IL12B: variants seen among roughly 807,000 people sequenced by gnomAD.
IL12B encodes the protein interleukin-12 subunit beta.
In IL12B, 27 loss-of-function variants were observed where a neutral mutation model predicts 39.2. That is an observed-to-expected ratio of 0.69 (90% CI 0.51 to 0.95). The LOEUF is 0.95. Among genes scored for constraint, IL12B ranks in the 40% least tolerant of loss-of-function variants. The pLI, the probability that IL12B is intolerant of heterozygous loss-of-function variation, is 0.00. For missense variants in IL12B, 351 were observed against 397.6 expected (o/e 0.88, Z 1.00); for synonymous variants, 142 against 152.1 (o/e 0.93, Z 0.49).
Position 159,316,005 on chromosome 5 carries a change from A to G in IL12B, c.*96T>C, listed in dbSNP as rs549642878. The G allele has an allele frequency of 6.5e-6, 1 of 152,688 alleles. No homozygotes were observed. Among genetic ancestry groups the G allele is most frequent in the East Asian group, 1.9e-4 (1 of 5,326 alleles). 9.5% of individuals were successfully genotyped at this position (152,688 alleles called of 1,614,324 possible). ...AAAAAAACGTTTTAAAGCAAATCAG[A>G]TAGAAATTATCTTTTTGGGTCTATT... is the stretch of plus-strand genomic sequence containing the variant. On this transcript the variant is annotated 3_prime_UTR_variant, in exon 8 of 8. Coordinates refer to ENST00000231228, the MANE Select transcript of IL12B (RefSeq NM_002187.3).
At chr5:159,324,000 C>G (rs1754147640) in intron 2 of IL12B, among the ~76,000 whole-genome samples, 1 of 151,862 alleles carries the variant, frequency 6.6e-6, no homozygotes, top group South Asian at 2.1e-4. Context: ...AGTCAGCCAA[C>G]TGTACAGAGA....
At chr5:159,316,935 T>A in intron 6 of IL12B, 119 bp from the exon 7 acceptor site, 1 of 1,114,220 alleles carries the variant, frequency 9.0e-7, no homozygotes, top group Non-Finnish European at 1.4e-6. Context: ...TAGGGCACTG[T>A]GCTTGCAATT....
rs141167492 is a variant in IL12B at position 159,330,091 on chromosome 5, A to G, written c.-1+341T>C. 3.8e-3 allele frequency among the ~76,000 whole-genome samples: 581 copies of G among 152,304 alleles called. 4 individuals are homozygous for G. Among genetic ancestry groups the G allele is most frequent in the African/African-American group, 0.013 (541 of 41,546 alleles). On this transcript the variant is annotated intron_variant, in intron 1 of 7. Transcript: ENST00000231228. ...GGCACCACTCACTTTAGCTCTATAC[A>G]ATCCTTTAACTGATGGGCATTAACA...
intron 6 of IL12B, among the ~76,000 whole-genome samples, chr5:159,317,121 T>TGA (rs1386328059): frequency 6.6e-6 from 1 of 152,152 alleles, no homozygotes; most frequent in African/African-American, 2.4e-5. Flanking sequence ...GAGCTGATGG[T>TGA]GAGAGAGAGA....
chr5:159,315,441 C>T lies in IL12B; in HGVS notation c.*660G>A, dbSNP rs898666469. The T allele has an allele frequency of 1.3e-5, 2 of 152,204 alleles. No homozygotes were observed. Among genetic ancestry groups the T allele is most frequent in the Non-Finnish European group, 2.9e-5 (2 of 68,014 alleles). 9.4% of individuals were successfully genotyped at this position (152,204 alleles called of 1,614,324 possible). Reference sequence around the variant, plus strand: ...ATTTTTTTCTAGCCCTTTTAAAATTCAGGCATCCAAAGATTAAACTTGCTT... The same window carrying T: ...ATTTTTTTCTAGCCCTTTTAAAATTTAGGCATCCAAAGATTAAACTTGCTT... On this transcript the variant is annotated 3_prime_UTR_variant, in exon 8 of 8. Coordinates refer to ENST00000231228, the MANE Select transcript of IL12B (RefSeq NM_002187.3).
At chr5:159,320,213 G>A in intron 5 of IL12B, 93 bp downstream of exon 5, 1 of 1,071,308 alleles carries the variant, frequency 9.3e-7, no homozygotes, top group Non-Finnish European at 1.4e-6. Flanking sequence ...GATGATGCTT[G>A]TCAACCACCT....
chr5:159,321,991 G>T (rs1486045332), intron 4 of IL12B, among the ~76,000 whole-genome samples: 2 of 149,996 alleles, frequency 1.3e-5, no homozygotes, highest in East Asian at 3.9e-4. Context: ...TCTGCTTCAG[G>T]GCCCCTAAGA....
At chr5:159,322,309 C>T in intron 4 of IL12B, 85 bp downstream of exon 4, 2 of 879,724 alleles carry the variant, frequency 2.3e-6, no homozygotes, top group South Asian at 2.6e-5. Context: ...TTATCATTAA[C>T]TGATAGGTCA....
At chr5:159,322,962 C>A in intron 3 of IL12B, 92 bp downstream of exon 3, 1 of 1,238,308 alleles carries the variant, frequency 8.1e-7, no homozygotes, top group African/African-American at 1.5e-5. Context: ...ATTACACTCA[C>A]CATGACTTGG....
intron 2 of IL12B, among the ~76,000 whole-genome samples, chr5:159,324,022 C>T (rs953838381): frequency 2.0e-5 from 3 of 152,020 alleles, no homozygotes; most frequent in African/African-American, 7.2e-5. Context: ...ACTCTCTTAA[C>T]AATTTTCCAT....
chr5:159,323,427 A>G, intron 2 of IL12B, 98 bp from the exon 3 acceptor site: 3 of 1,118,502 alleles, frequency 2.7e-6, no homozygotes, highest in Non-Finnish European at 1.3e-6. Flanking sequence ...CCTAAACACA[A>G]CCTTGTTTAC....
chr5:159,322,546 G>T, intron 3 of IL12B, 35 bp from the exon 4 acceptor site: 1 of 1,396,592 alleles, frequency 7.2e-7, no homozygotes, highest in South Asian at 1.2e-5. Flanking sequence ...CAATATTTAG[G>T]AGTTTTTTGC....
chr5:159,317,389 C>T (rs1012258030), intron 6 of IL12B, among the ~76,000 whole-genome samples: 2 of 152,166 alleles, frequency 1.3e-5, no homozygotes, highest in Non-Finnish European at 2.9e-5. Flanking sequence ...CTCAATATCA[C>T]CTATTAGTCA....
chr5:159,329,900 C>G (rs115740168), intron 1 of IL12B, among the ~76,000 whole-genome samples: 4,822 of 152,166 alleles, frequency 0.032, 208 homozygotes, highest in African/African-American at 0.1. Context: ...GTTAGTTAAT[C>G]CACAAGAATG....
In IL12B at chr5:159,314,833, T is replaced by C. The variant is rs918269319; in HGVS notation, c.*1268A>G. 2 of 152,192 alleles carry C rather than the reference T, an allele frequency of 1.3e-5. No individual in the cohort carries two copies. Among genetic ancestry groups the C allele is most frequent in the Non-Finnish European group, 2.9e-5 (2 of 67,996 alleles). The allele number at this position is 152,192 out of a possible 1,614,324, so 9.4% of individuals were successfully genotyped here. A position where few individuals can be genotyped will look rare whatever the true frequency, so the allele number is the denominator to read the frequency against. ...TTCAGCCTCAGAATGCAAAAATAAA[T>C]AAATAAATAAACAAACAGGAAACAA... On this transcript the variant is annotated 3_prime_UTR_variant, in exon 8 of 8. Transcript: ENST00000231228.
intron 3 of IL12B, 136 bp downstream of exon 3, chr5:159,322,918 C>A (rs915609515): frequency 2.3e-6 from 2 of 866,198 alleles, no homozygotes; most frequent in African/African-American, 3.3e-5. Flanking sequence ...AGGTTAACAT[C>A]AATTAACATC....
intron 6 of IL12B, 62 bp downstream of exon 6, chr5:159,318,674 A>G (rs1754030086): frequency 7.1e-7 from 1 of 1,409,836 alleles, no homozygotes; most frequent in Non-Finnish European, 1.0e-6. Flanking sequence ...TCATCTTCTC[A>G]CTTTATGGTG....
chr5:159,316,744 C>A lies in IL12B; in HGVS notation c.928G>T (p.Ala310Ser). The A allele has an allele frequency of 6.2e-7, 1 of 1,614,098 alleles. No homozygotes were observed. Residue 310 changes from alanine to serine, a missense_variant, in exon 7 of 8, where the codon GCC becomes TCC. Transcript: ENST00000231228. ...GATGAGCTATAGTAGCGGTCCTGGG[C>A]CCGCACGCTAATGCTGGCATTTTTG... ...CRKNASISVR[A>S]QDRYYSSSWS...
intron 6 of IL12B, 49 bp from the exon 7 acceptor site, chr5:159,316,865 A>G: frequency 6.2e-7 from 1 of 1,609,458 alleles, no homozygotes; most frequent in Non-Finnish European, 8.5e-7. Flanking sequence ...ACATAGTCAC[A>G]GGGTAAGCTG....
Sources: gnomAD v4.1 joint callset for allele counts (sites outside exome capture counted in the v4.1 genomes callset) on GRCh38, gnomAD v4.1.1 for gene constraint, MANE v1.5 for transcripts, NCBI Gene and HGNC (gene_info 2026-07-23, HGNC 2026-07-21) for gene names.